DLGAP1: variants seen among roughly 807,000 people sequenced by gnomAD.
DLGAP1 encodes the protein disks large-associated protein 1.
A neutral mutation model predicts 90.8 loss-of-function variants in DLGAP1; 11 were observed. The observed-to-expected ratio is 0.12, with a 90% CI of 0.08 to 0.20. The LOEUF (loss-of-function observed/expected upper bound fraction) is 0.20, where lower values mean the gene tolerates loss of function less well. Ranked by LOEUF, DLGAP1 falls within the 10% of genes least tolerant of loss-of-function variation. The pLI, the probability that DLGAP1 is intolerant of heterozygous loss-of-function variation, is 1.00. For synonymous variants in DLGAP1, 558 were observed against 540.7 expected (o/e 1.03, Z -0.44); for missense variants, 1,050 against 1,333.8 (o/e 0.79, Z 3.31).
intron 1 of DLGAP1, among the ~76,000 whole-genome samples, chr18:4,336,261 T>C (rs985953665): frequency 6.6e-6 from 1 of 152,210 alleles, no homozygotes; most frequent in African/African-American, 2.4e-5. Context: ...TAATTCCAGG[T>C]TGACCAATCA....
chr18:4,243,286 A>T (rs1380855111), intron 1 of DLGAP1, among the ~76,000 whole-genome samples: 2 of 152,192 alleles, frequency 1.3e-5, no homozygotes, highest in Non-Finnish European at 2.9e-5. Context: ...CTGGAATATA[A>T]CAAGTACTCC....
rs1598753741 is a variant in DLGAP1 at position 4,264,287 on chromosome 18, C to T, written c.-266-113000G>A. Among the ~76,000 whole-genome samples, 3 of 152,208 alleles carry T rather than the reference C, an allele frequency of 2.0e-5. No homozygotes were observed. The South Asian group carries it at 6.2e-4, about 32-fold the overall frequency. ...ATCATTTGCTTTTCTCATCTCCATC[C>T]TCTTCCTCTAAGCCAGCAGATGTAT... On this transcript the variant is annotated intron_variant, in intron 1 of 12. Coordinates refer to ENST00000315677, the MANE Select transcript of DLGAP1 (RefSeq NM_004746.4).
At chr18:4,276,953 A>T (rs903107989) in intron 1 of DLGAP1, among the ~76,000 whole-genome samples, 1 of 152,278 alleles carries the variant, frequency 6.6e-6, no homozygotes, top group African/African-American at 2.4e-5. Flanking sequence ...TATTGGTTCC[A>T]GCCTCATTAC....
intron 1 of DLGAP1, among the ~76,000 whole-genome samples, chr18:4,221,056 T>G (rs550445705): frequency 1.3e-5 from 2 of 152,150 alleles, no homozygotes; most frequent in Non-Finnish European, 2.9e-5. Flanking sequence ...ATGTAGTACA[T>G]AGTAGTCTCT....
At chr18:4,437,084 A>AG (rs1439192055) in intron 1 of DLGAP1, among the ~76,000 whole-genome samples, 1 of 152,246 alleles carries the variant, frequency 6.6e-6, no homozygotes, top group Non-Finnish European at 1.5e-5. Flanking sequence ...AAAGCAGCCA[A>AG]GGGGAAAATC....
intron 7 of DLGAP1, among the ~76,000 whole-genome samples, chr18:3,704,343 G>T (rs937546474): frequency 6.6e-6 from 1 of 152,184 alleles, no homozygotes; most frequent in African/African-American, 2.4e-5. Context: ...GGTCGAGGCA[G>T]GTGGATTACT....
intron 5 of DLGAP1, among the ~76,000 whole-genome samples, chr18:3,811,159 GGTT>G (rs2066818537): frequency 6.6e-6 from 1 of 152,130 alleles, no homozygotes; most frequent in Non-Finnish European, 1.5e-5. Context: ...AGATGACGGA[GGTT>G]TAATGTGTAG....
At chr18:3,978,985 T>C (rs2073663469) in intron 3 of DLGAP1, among the ~76,000 whole-genome samples, 1 of 152,146 alleles carries the variant, frequency 6.6e-6, no homozygotes, top group African/African-American at 2.4e-5. Flanking sequence ...GACATACCTA[T>C]CTGTCCATCA....
At chr18:4,398,043 C>A (rs111667625) in intron 1 of DLGAP1, among the ~76,000 whole-genome samples, 1 of 152,116 alleles carries the variant, frequency 6.6e-6, no homozygotes, top group African/African-American at 2.4e-5. Context: ...GGGGTATGTA[C>A]TCAGATGTGT....
At chr18:4,004,573 A>G (rs2074262714) in intron 3 of DLGAP1, among the ~76,000 whole-genome samples, 1 of 152,220 alleles carries the variant, frequency 6.6e-6, no homozygotes, top group African/African-American at 2.4e-5. Flanking sequence ...ACAAAAAAGA[A>G]AAACTATGAG....
intron 7 of DLGAP1, among the ~76,000 whole-genome samples, chr18:3,714,746 G>T (rs1369358624): frequency 6.9e-6 from 1 of 144,966 alleles, no homozygotes; most frequent in Non-Finnish European, 1.5e-5. Flanking sequence ...AGATTCTCCT[G>T]CCTCAGCCTC....
chr18:4,355,985 A>G (rs1219675979), intron 1 of DLGAP1, among the ~76,000 whole-genome samples: 1 of 151,582 alleles, frequency 6.6e-6, no homozygotes, highest in Non-Finnish European at 1.5e-5. Context: ...ACCAGCTCCC[A>G]GGAAACTGCC....
intron 1 of DLGAP1, among the ~76,000 whole-genome samples, chr18:4,409,114 T>A (rs898013223): frequency 6.6e-6 from 1 of 151,996 alleles, no homozygotes; most frequent in Non-Finnish European, 1.5e-5. Context: ...TAAAATAATT[T>A]AAAAAATGGT....
At chr18:3,972,812 T>C (rs1382777654) in intron 3 of DLGAP1, among the ~76,000 whole-genome samples, 1 of 152,118 alleles carries the variant, frequency 6.6e-6, no homozygotes, top group South Asian at 2.1e-4. Flanking sequence ...CCAGCAACAC[T>C]GAGAGGCAGA....
intron 3 of DLGAP1, among the ~76,000 whole-genome samples, chr18:3,937,736 T>C (rs1372965274): frequency 6.6e-6 from 1 of 152,202 alleles, no homozygotes; most frequent in Non-Finnish European, 1.5e-5. Flanking sequence ...TTATAGGAAG[T>C]CCCATCAGAC....
chr18:3,750,722 T>A (rs1433411687), intron 5 of DLGAP1, among the ~76,000 whole-genome samples: 1 of 152,156 alleles, frequency 6.6e-6, no homozygotes, highest in Non-Finnish European at 1.5e-5. Flanking sequence ...AACTCTAAAC[T>A]CTTTACCTGA....
intron 3 of DLGAP1, among the ~76,000 whole-genome samples, chr18:3,889,942 G>A (rs1030503612): frequency 5.9e-5 from 9 of 152,188 alleles, no homozygotes; most frequent in Admixed American, 1.3e-4. Flanking sequence ...GAACCCCAGC[G>A]AAAGAAACAG....
intron 1 of DLGAP1, among the ~76,000 whole-genome samples, chr18:4,191,055 C>A (rs16946196): frequency 0.093 from 14,139 of 152,088 alleles, 863 homozygotes; most frequent in East Asian, 0.28. Context: ...TTCACATAAA[C>A]CCTCTTACCA....
chr18:3,792,299 G>T (rs965999789), intron 5 of DLGAP1, among the ~76,000 whole-genome samples: 1 of 152,074 alleles, frequency 6.6e-6, no homozygotes, highest in Non-Finnish European at 1.5e-5. Context: ...TGGCCAACAT[G>T]GTGAAACCCT....
Sources: gnomAD v4.1 joint callset for allele counts (sites outside exome capture counted in the v4.1 genomes callset) on GRCh38, gnomAD v4.1.1 for gene constraint, MANE v1.5 for transcripts, NCBI Gene and HGNC (gene_info 2026-07-23, HGNC 2026-07-21) for gene names.